Variants in RIN3 observed in about 807,000 individuals in gnomAD.
RIN3 encodes Ras and Rab interactor 3, also known as RAB5 interacting protein 3.
A neutral mutation model predicts 76.3 loss-of-function variants in RIN3; 54 were observed. The ratio of observed to expected loss-of-function variants is 0.71; its 90% CI spans 0.57 to 0.89. The LOEUF (loss-of-function observed/expected upper bound fraction) is 0.89, where lower values mean the gene tolerates loss of function less well. Among genes scored for constraint, RIN3 ranks in the 40% least tolerant of loss-of-function variants. RIN3 has a pLI of 0.00. For synonymous variants in RIN3, 576 were observed against 564.0 expected, an observed-to-expected ratio of 1.02 and a Z score of -0.30; for missense variants, 1,256 against 1,322.1, an observed-to-expected ratio of 0.95 and a Z score of 0.78.
At chr14:92,639,801 C>T (rs558530418) in intron 4 of RIN3, among the ~76,000 whole-genome samples, 2 of 152,156 alleles carry the variant, frequency 1.3e-5, no homozygotes, top group South Asian at 2.1e-4. Context: ...GATGGACCTG[C>T]CTGACTGTGC....
intron 6 of RIN3, among the ~76,000 whole-genome samples, chr14:92,653,736 G>C (rs1485310786): frequency 6.6e-6 from 1 of 152,200 alleles, no homozygotes; most frequent in Non-Finnish European, 1.5e-5. Flanking sequence ...AAAATATTCA[G>C]GCCAGGCGCA....
At chr14:92,676,348 G>A (rs917885591) in intron 7 of RIN3, 127 bp from the exon 8 acceptor site, 2 of 1,116,924 alleles carry the variant, frequency 1.8e-6, no homozygotes, top group Admixed American at 2.0e-5. Context: ...TCATGAGAGA[G>A]CAGGAACATT....
intron 1 of RIN3, among the ~76,000 whole-genome samples, chr14:92,518,589 T>G (rs1896507363): frequency 6.6e-6 from 1 of 152,082 alleles, no homozygotes; most frequent in Non-Finnish European, 1.5e-5. Context: ...CCAACTCCCC[T>G]AATTTTATCC....
intron 5 of RIN3, among the ~76,000 whole-genome samples, chr14:92,651,152 A>G (rs1168215636): frequency 1.3e-5 from 2 of 152,172 alleles, no homozygotes; most frequent in Non-Finnish European, 2.9e-5. Flanking sequence ...TAGGAAGGTC[A>G]AACCACCTGC....
In RIN3 at chr14:92,648,121, T is replaced by C. The variant is rs976634533; in HGVS notation, c.533-3461T>C. On this transcript the variant is annotated intron_variant, in intron 5 of 9. Coordinates refer to ENST00000216487, the MANE Select transcript of RIN3 (RefSeq NM_024832.5). The surrounding 1 kb of genome is among the most constrained non-coding windows in gnomAD (Gnocchi z 4.1). Reference sequence around the variant, plus strand: ...TTTTTTTTTTTGGAGCATAAAGCCCTGCAATGCCACTGTGGTTCCCTAACA... The same window carrying C: ...TTTTTTTTTTTGGAGCATAAAGCCCCGCAATGCCACTGTGGTTCCCTAACA... 2.2e-5 allele frequency among the ~76,000 whole-genome samples: 3 copies of C among 138,374 alleles called. No individual in the cohort carries two copies. Among genetic ancestry groups the C allele is most frequent in the Non-Finnish European group, 4.6e-5 (3 of 65,204 alleles). 90.8% of individuals were successfully genotyped at this position (138,374 alleles called of 152,430 possible). A position where few individuals can be genotyped will look rare whatever the true frequency, so the allele number is the denominator to read the frequency against.
intron 3 of RIN3, among the ~76,000 whole-genome samples, chr14:92,588,690 A>G (rs1264001298): frequency 6.6e-6 from 1 of 152,130 alleles, no homozygotes; most frequent in Non-Finnish European, 1.5e-5. Flanking sequence ...CAGTATTCAG[A>G]TCATAGCAGC....
intron 2 of RIN3, chr14:92,576,386 G>A (rs1365469595): frequency 6.2e-6 from 8 of 1,289,736 alleles, no homozygotes; most frequent in Non-Finnish European, 8.1e-6. Context: ...ACCTCGGTTA[G>A]TATTTGGTTT....
At chr14:92,555,659 ATAAG>A (rs374961439) in intron 1 of RIN3, 88 bp from the exon 2 acceptor site, 690 of 1,222,278 alleles carry the variant, frequency 5.6e-4, no homozygotes, top group Non-Finnish European at 7.7e-4. Context: ...CTCATGCTGA[ATAAG>A]TAAGCGTGGC....
chr14:92,661,841 A>G lies in RIN3; in HGVS notation c.2335+2372A>G, dbSNP rs553388479. Among the ~76,000 whole-genome samples the G allele has an allele frequency of 1.3e-4, 20 of 152,322 alleles. No individual in the cohort carries two copies. In the South Asian group the frequency reaches 3.3e-3, roughly 25 times the overall value. ...AACACTTTATCCTGATGTTGGAGATATGATGGGAAGAGAGAGGGTTGTAGT... is the reference window on the plus strand; with the variant it reads ...AACACTTTATCCTGATGTTGGAGATGTGATGGGAAGAGAGAGGGTTGTAGT... On this transcript the variant is annotated intron_variant, in intron 7 of 9. Coordinates refer to ENST00000216487, the MANE Select transcript of RIN3 (RefSeq NM_024832.5).
At chr14:92,637,765 CT>C (rs1886827172) in intron 4 of RIN3, among the ~76,000 whole-genome samples, 1 of 152,112 alleles carries the variant, frequency 6.6e-6, no homozygotes, top group African/African-American at 2.4e-5. Flanking sequence ...GTGATAGCTC[CT>C]TTTCCTTAAA....
chr14:92,554,326 C>T (rs900070598), intron 1 of RIN3, among the ~76,000 whole-genome samples: 10 of 152,240 alleles, frequency 6.6e-5, no homozygotes, highest in East Asian at 1.9e-4. Flanking sequence ...TCCCTTAAAC[C>T]GGACAGAACT....
intron 1 of RIN3, among the ~76,000 whole-genome samples, chr14:92,544,204 C>G (rs1032609057): frequency 6.6e-6 from 1 of 152,164 alleles, no homozygotes; most frequent in African/African-American, 2.4e-5. Context: ...CAGGCCCTAT[C>G]TAGCCTGAAG....
At chr14:92,547,095 ATAATT>A (rs1362866627) in intron 1 of RIN3, among the ~76,000 whole-genome samples, 1 of 91,608 alleles carries the variant, frequency 1.1e-5, no homozygotes, top group Non-Finnish European at 2.4e-5. Flanking sequence ...ATATTATATT[ATAATT>A]AAATAAATTA....
intron 7 of RIN3, among the ~76,000 whole-genome samples, chr14:92,663,872 A>T (rs939401941): frequency 3.3e-5 from 5 of 152,214 alleles, no homozygotes; most frequent in Non-Finnish European, 7.3e-5. Context: ...GTTGCGATGC[A>T]GGGGCTGGGA....
rs1896378819 is a variant in RIN3, at chr14:92,514,388, T to G, written c.44+412T>G. Among the ~76,000 whole-genome samples the G allele has an allele frequency of 6.6e-6, 1 of 152,192 alleles. No homozygotes were observed. The highest frequency in any genetic ancestry group is 6.5e-5 in the Admixed American group (1 of 15,290). On this transcript the variant is annotated intron_variant, in intron 1 of 9. Coordinates refer to ENST00000216487, the MANE Select transcript of RIN3 (RefSeq NM_024832.5). The surrounding 1 kb of genome is among the most constrained non-coding windows in gnomAD (Gnocchi z 7.2). ...CCCGCCAGCCTGCTGCACCCGCTGC[T>G]CTGCGAGTCGCAGCGCGCGCCCTCG...
chr14:92,666,338 G>T (rs543717498), intron 7 of RIN3, among the ~76,000 whole-genome samples: 1 of 152,204 alleles, frequency 6.6e-6, no homozygotes, highest in East Asian at 1.9e-4. Context: ...GGGTTAACTG[G>T]CCATGCTATC....
At chr14:92,534,597 AAAC>A (rs1318530809) in intron 1 of RIN3, among the ~76,000 whole-genome samples, 5 of 149,456 alleles carry the variant, frequency 3.3e-5, no homozygotes, top group Middle Eastern at 3.2e-3. Flanking sequence ...CAAAAAAAAA[AAAC>A]AAAAAGAAAG....
chr14:92,537,179 C>T (rs960823636), intron 1 of RIN3, among the ~76,000 whole-genome samples: 5 of 152,124 alleles, frequency 3.3e-5, no homozygotes, highest in African/African-American at 1.2e-4. Context: ...GTACAGTATA[C>T]ATACTGGTTT....
In RIN3 at chr14:92,652,257, G is replaced by A; in HGVS notation, c.1208G>A (p.Gly403Glu). Residue 403 changes from glycine (G) to glutamate (E), a missense_variant, in exon 6 of 10, where the codon GGG becomes GAG. Transcript: ENST00000216487. This position sits in a 1 kb window ranked among gnomAD's most constrained non-coding sequence, Gnocchi z 6.4. ...ERVSLEDQSP[G>E]MAAEGDQLSL... ...GTGTCCTTAGAAGACCAAAGTCCGG[G>A]GATGGCGGCAGAGGGGGACCAGCTC... 1 of 1,611,158 alleles carries A rather than the reference G, an allele frequency of 6.2e-7. No homozygotes were observed. The highest frequency in any genetic ancestry group is 8.5e-7 in the Non-Finnish European group (1 of 1,178,104).
Sources: gnomAD v4.1 joint callset for allele counts (sites outside exome capture counted in the v4.1 genomes callset) on GRCh38, gnomAD v4.1.1 for gene constraint, Gnocchi (gnomAD v3.1) non-coding constraint, MANE v1.5 for transcripts, NCBI Gene and HGNC (gene_info 2026-07-23, HGNC 2026-07-21) for gene names.